Variants in EXOC6B observed in about 807,000 individuals in gnomAD.
EXOC6B encodes the protein SEC15 homolog B.
Under a neutral mutation model 113.5 loss-of-function variants are expected in EXOC6B, and 54 were observed. The observed-to-expected ratio is 0.48, with a 90% CI of 0.38 to 0.60. The LOEUF (loss-of-function observed/expected upper bound fraction) is 0.60, where lower values mean the gene tolerates loss of function less well. Among genes scored for constraint, EXOC6B ranks in the 20% least tolerant of loss-of-function variants. The pLI, the probability that EXOC6B is intolerant of heterozygous loss-of-function variation, is 0.00. For synonymous variants in EXOC6B, 357 were observed against 339.0 expected (o/e 1.05, Z -0.58); for missense variants, 797 against 977.5 (o/e 0.82, Z 2.46).
chr2:72,668,302 A>C (rs528292690), intron 6 of EXOC6B, among the ~76,000 whole-genome samples: 2 of 152,336 alleles, frequency 1.3e-5, no homozygotes, highest in Admixed American at 1.3e-4. Flanking sequence ...GGGGACATTT[A>C]TACACTATAG....
intron 1 of EXOC6B, among the ~76,000 whole-genome samples, chr2:72,771,174 C>A (rs1371079552): frequency 6.6e-6 from 1 of 152,150 alleles, no homozygotes; most frequent in Non-Finnish European, 1.5e-5. Flanking sequence ...ATCACAAGCA[C>A]AATAAAACAC....
intron 6 of EXOC6B, among the ~76,000 whole-genome samples, chr2:72,622,909 C>T (rs145894355): frequency 6.6e-6 from 1 of 152,100 alleles, no homozygotes; most frequent in African/African-American, 2.4e-5. Context: ...ATTAGTACAA[C>T]TACTTTGAGA....
At chr2:72,524,747 T>A (rs565054761) in intron 8 of EXOC6B, among the ~76,000 whole-genome samples, 8 of 152,274 alleles carry the variant, frequency 5.3e-5, no homozygotes, top group African/African-American at 1.9e-4. Context: ...ACACCTAGTA[T>A]GTACCCACAA....
intron 8 of EXOC6B, among the ~76,000 whole-genome samples, chr2:72,558,036 C>T (rs573514012): frequency 0.015 from 616 of 41,182 alleles, 11 homozygotes; most frequent in African/African-American, 0.033. Flanking sequence ...CTTTATAAAA[C>T]CAAAAAAAAA....
At position 72,191,639 on chromosome 2, in the gene EXOC6B, A is replaced by G. The variant is rs758554829; in HGVS notation, c.2197-7452T>C. On this transcript the variant is annotated intron_variant, in intron 20 of 21. Transcript: ENST00000272427. ...TAGCTGGGAAAGACTAGAAAAATCC[A>G]AACAAGCCAAAGTGGAAACCAGTCC... 2.6e-5 allele frequency among the ~76,000 whole-genome samples: 4 copies of G among 152,354 alleles called. No individual in the cohort carries two copies. The East Asian group carries it at 7.7e-4, about 29-fold the overall frequency.
At chr2:72,275,975 AC>A (rs1684788301) in intron 20 of EXOC6B, among the ~76,000 whole-genome samples, 1 of 152,094 alleles carries the variant, frequency 6.6e-6, no homozygotes, top group South Asian at 2.1e-4. Flanking sequence ...CTAAATCCTC[AC>A]CTTCAAACAT....
In EXOC6B at chr2:72,658,545, T is replaced by C. The variant is rs139040095; in HGVS notation, c.669+59558A>G. Reference sequence around the variant, plus strand: ...TGATCATCTCTAAATATAAATTATATATAACTAATCACTCTGACACTATAG... The same window carrying C: ...TGATCATCTCTAAATATAAATTATACATAACTAATCACTCTGACACTATAG... On this transcript the variant is annotated intron_variant, in intron 6 of 21. Transcript: ENST00000272427. Among the ~76,000 whole-genome samples the C allele has an allele frequency of 9.2e-5, 14 of 152,002 alleles. No homozygotes were observed. The East Asian group carries it at 2.3e-3, about 25-fold the overall frequency.
chr2:72,265,049 T>C (rs1683977656), intron 20 of EXOC6B, among the ~76,000 whole-genome samples: 1 of 150,704 alleles, frequency 6.6e-6, no homozygotes, highest in South Asian at 2.1e-4. Context: ...CAAGCAGAGG[T>C]TGGAACGGTT....
intron 20 of EXOC6B, among the ~76,000 whole-genome samples, chr2:72,236,377 T>C (rs1681960195): frequency 6.6e-6 from 1 of 152,218 alleles, no homozygotes; most frequent in African/African-American, 2.4e-5. Context: ...GATATGTTAT[T>C]CTGAGGGCAA....
At chr2:72,472,835 T>C (rs1468043219) in intron 17 of EXOC6B, among the ~76,000 whole-genome samples, 1 of 152,176 alleles carries the variant, frequency 6.6e-6, no homozygotes. Context: ...ACTTCCCTTT[T>C]AGTACTGCTT....
intron 20 of EXOC6B, among the ~76,000 whole-genome samples, chr2:72,279,164 A>G (rs767674570): frequency 7.9e-5 from 12 of 152,074 alleles, no homozygotes; most frequent in Non-Finnish European, 1.2e-4. Context: ...CTTCCTTCTT[A>G]CTCTGTTTCT....
At chr2:72,514,745 T>A in intron 9 of EXOC6B, 65 bp from the exon 10 acceptor site, 1 of 999,786 alleles carries the variant, frequency 1.0e-6, no homozygotes, top group Non-Finnish European at 1.5e-6. Context: ...TAAGTTAAAA[T>A]CAGTCACTTA....
chr2:72,803,339 A>C (rs1403004130), intron 1 of EXOC6B, among the ~76,000 whole-genome samples: 2 of 152,186 alleles, frequency 1.3e-5, no homozygotes, highest in Non-Finnish European at 2.9e-5. Context: ...TGGAATCCCA[A>C]CTGACCACAC....
At chr2:72,252,870 CA>C (rs1683114732) in intron 20 of EXOC6B, among the ~76,000 whole-genome samples, 1 of 152,032 alleles carries the variant, frequency 6.6e-6, no homozygotes, top group South Asian at 2.1e-4. Context: ...TCTATAATAA[CA>C]GTTGAAAAAC....
intron 8 of EXOC6B, among the ~76,000 whole-genome samples, chr2:72,548,690 C>A (rs1030390473): frequency 1.3e-5 from 2 of 152,080 alleles, no homozygotes; most frequent in African/African-American, 4.8e-5. Context: ...TTACATACTA[C>A]TAATACTAAG....
At chr2:72,715,643 T>C (rs765474084) in intron 6 of EXOC6B, among the ~76,000 whole-genome samples, 4 of 152,096 alleles carry the variant, frequency 2.6e-5, no homozygotes, top group African/African-American at 9.7e-5. Flanking sequence ...AAGTAGATTA[T>C]ATGATTTGTT....
chr2:72,592,126 G>T lies in EXOC6B; in HGVS notation c.670-16458C>A, dbSNP rs1383015393. On this transcript the variant is annotated intron_variant, in intron 6 of 21. Coordinates refer to ENST00000272427, the MANE Select transcript of EXOC6B (RefSeq NM_015189.3). ...AACTAGATAATTTAGATAAGAAAAA[G>T]AACAACAAAGTATAAAAGCCGACTG... Among the ~76,000 whole-genome samples the T allele has an allele frequency of 2.0e-5, 3 of 152,006 alleles. No homozygotes were observed. In the East Asian group the frequency reaches 5.8e-4, roughly 29 times the overall value.
At chr2:72,757,924 G>T (rs1321122812) in intron 1 of EXOC6B, among the ~76,000 whole-genome samples, 1 of 152,046 alleles carries the variant, frequency 6.6e-6, no homozygotes, top group African/African-American at 2.4e-5. Context: ...ACTTTGGGAG[G>T]CCGAGGCAGG....
chr2:72,489,846 G>A (rs988265390), intron 16 of EXOC6B, among the ~76,000 whole-genome samples: 3 of 152,166 alleles, frequency 2.0e-5, no homozygotes, highest in Middle Eastern at 3.4e-3. Context: ...ATTTTGAATT[G>A]GCTCAACATG....
Sources: gnomAD v4.1 joint callset for allele counts (sites outside exome capture counted in the v4.1 genomes callset) on GRCh38, gnomAD v4.1.1 for gene constraint, MANE v1.5 for transcripts, NCBI Gene and HGNC (gene_info 2026-07-23, HGNC 2026-07-21) for gene names.